RACGAP1: variants seen among roughly 807,000 people sequenced by gnomAD.
The protein encoded by RACGAP1 is rac GTPase-activating protein 1.
Under a neutral mutation model 78.1 loss-of-function variants are expected in RACGAP1, and 30 were observed. That is an observed-to-expected ratio of 0.38 (90% CI 0.29 to 0.52). RACGAP1 has a LOEUF of 0.52. Among genes scored for constraint, RACGAP1 ranks in the 20% least tolerant of loss-of-function variants. RACGAP1 has a pLI of 0.82. For synonymous variants in RACGAP1, 231 were observed against 264.8 expected, an observed-to-expected ratio of 0.87 and a Z score of 1.24; for missense variants, 587 against 777.1, an observed-to-expected ratio of 0.76 and a Z score of 2.91.
At chr12:50,006,847 G>A (rs1949006447) in intron 2 of RACGAP1, among the ~76,000 whole-genome samples, 1 of 152,110 alleles carries the variant, frequency 6.6e-6, no homozygotes, top group South Asian at 2.1e-4. Context: ...TATTCAATAG[G>A]CCACTTACTT....
At position 49,994,126 on chromosome 12, in the gene RACGAP1, C is replaced by T; in HGVS notation, c.1339+5G>A. The T allele has an allele frequency of 6.2e-7, 1 of 1,608,334 alleles. No individual in the cohort carries two copies. The highest frequency in any genetic ancestry group is 1.1e-5 in the South Asian group (1 of 90,868). On this transcript the variant is annotated splice_donor_5th_base_variant and intron_variant, in intron 12 of 16. Coordinates refer to ENST00000312377, the MANE Select transcript of RACGAP1 (RefSeq NM_001319999.2). ...TTCATATTCAAGTATTACATCTGCC[C>T]TTACCTGCTGCTTCCATAAAGGCTC...
chr12:50,007,132 G>A (rs1949021666), intron 2 of RACGAP1, among the ~76,000 whole-genome samples: 1 of 151,912 alleles, frequency 6.6e-6, no homozygotes, highest in East Asian at 1.9e-4. Flanking sequence ...CAGATGTCTA[G>A]ACCTACAATT....
At chr12:49,990,553 C>T in intron 16 of RACGAP1, 131 bp downstream of exon 16, 1 of 813,558 alleles carries the variant, frequency 1.2e-6, no homozygotes, top group Admixed American at 2.7e-5. Flanking sequence ...TCCTTATAGC[C>T]CCACGTTCCC....
intron 2 of RACGAP1, among the ~76,000 whole-genome samples, chr12:50,008,524 C>T (rs1949114915): frequency 1.3e-5 from 2 of 151,490 alleles, no homozygotes; most frequent in South Asian, 4.2e-4. Context: ...AGACAGTCTT[C>T]CTCTGTCACC....
At chr12:50,017,521 C>T (rs1047313872) in intron 1 of RACGAP1, among the ~76,000 whole-genome samples, 28 of 152,290 alleles carry the variant, frequency 1.8e-4, no homozygotes, top group Non-Finnish European at 1.8e-4. Context: ...TCGTTACAGG[C>T]GGTTCTATTC....
At chr12:50,011,331 CAAAAA>C (rs34796842) in intron 2 of RACGAP1, among the ~76,000 whole-genome samples, 3 of 71,486 alleles carry the variant, frequency 4.2e-5, no homozygotes, top group African/African-American at 8.9e-5. Flanking sequence ...GAGACTGTCT[CAAAAA>C]AAAAAAAAAA....
rs1397637849 is a variant in RACGAP1, at chr12:50,016,717, T to C, written c.-2A>G. The C allele has an allele frequency of 6.2e-7, 1 of 1,613,488 alleles. No individual in the cohort carries two copies. The highest frequency in any genetic ancestry group is 8.5e-7 in the Non-Finnish European group (1 of 1,179,926). On this transcript the variant is annotated splice_region_variant and 5_prime_UTR_variant, in exon 2 of 17. Transcript: ENST00000312377. The stretch of plus-strand genomic sequence containing the variant: ...CACATTCAGCATCATAGTATCCATC[T>C]TTCTGCCAAGAAATCAAATATACAT...
Position 50,006,421 on chromosome 12 carries a change from AAAC to A in RACGAP1, c.288+10_288+12del. 1.2e-6 allele frequency: 2 copies of A among 1,613,924 alleles called. No homozygotes were observed. Among genetic ancestry groups the A allele is most frequent in the Non-Finnish European group, 1.7e-6 (2 of 1,179,828 alleles). On this transcript the variant is annotated intron_variant, in intron 3 of 16. Coordinates refer to ENST00000312377, the MANE Select transcript of RACGAP1 (RefSeq NM_001319999.2). Reference sequence around the variant, plus strand: ...TGCATCATCACTGTTCTAGCACGGAAAACAATACACACCAGCTTTTCGCAGTCA... The same window carrying A: ...TGCATCATCACTGTTCTAGCACGGAAAATACACACCAGCTTTTCGCAGTCA...
chr12:50,016,534 G>C (rs1949690914), intron 2 of RACGAP1, 97 bp downstream of exon 2: 2 of 1,330,762 alleles, frequency 1.5e-6, no homozygotes, highest in African/African-American at 1.4e-5. Context: ...AACCCAAATG[G>C]AAAACAACTT....
intron 7 of RACGAP1, among the ~76,000 whole-genome samples, chr12:50,000,450 T>C (rs1948605622): frequency 6.6e-6 from 1 of 151,938 alleles, no homozygotes; most frequent in African/African-American, 2.4e-5. Context: ...CCACCACGCC[T>C]GACCTGAAAC....
rs757715762 is a variant in RACGAP1, at chr12:49,999,668, A to G, written c.696T>C (p.Ala232=). 11 of 1,614,114 alleles carry G rather than the reference A, an allele frequency of 6.8e-6. No individual in the cohort carries two copies. The highest frequency in any genetic ancestry group is 6.7e-5 in the East Asian group (3 of 44,904). The change falls in exon 8 of 17, where the codon GCT becomes GCC. Residue 232 remains alanine, a synonymous_variant. Transcript: ENST00000312377. The part of the protein sequence containing the change: ...TVPNDGGPIE[A]VSTIETVPYW... ...ATGGCACAGTCTCAATAGTGGACAC[A>G]GCTTCGATGGGCCCGCCATCATTGG...
At chr12:50,028,598 G>A (rs61926111), upstream of RACGAP1, among the ~76,000 whole-genome samples, 2,318 of 151,960 alleles carry the variant, frequency 0.015, 37 homozygotes, top group Non-Finnish European at 0.027. Flanking sequence ...GTGAAAACCC[G>A]TCTCTACTAA....
intron 2 of RACGAP1, among the ~76,000 whole-genome samples, chr12:50,007,905 G>GT (rs534812284): frequency 0.052 from 7,430 of 141,540 alleles, 582 homozygotes; most frequent in African/African-American, 0.17. Context: ...TTTTTTGTGG[G>GT]TTTTTTTTTT....
Position 50,006,496 on chromosome 12 carries a change from G to A in RACGAP1, c.226C>T (p.Arg76Cys), listed in dbSNP as rs1365577821. The A allele has an allele frequency of 6.2e-7, 1 of 1,613,964 alleles. No homozygotes were observed. ...TTGATCTCTACATCCACCTGATTAC[G>A]TGCATGCTTCAGCTTAACATCCAGA... ...SALDVKLKHA[R>C]NQVDVEIKRR... The change falls in exon 3 of 17, where the codon CGT becomes TGT. Residue 76 changes from arginine (R) to cysteine (C), a missense_variant. Transcript: ENST00000312377.
In RACGAP1 at chr12:49,990,082, T is replaced by G; in HGVS notation, c.*186A>C. On this transcript the variant is annotated 3_prime_UTR_variant, in exon 17 of 17. Transcript: ENST00000312377. ...TGACCAGCACAAAGTGCTGATATTA[T>G]GTGACTTGAGGAGAAGGAAGGGGAG... The G allele has an allele frequency of 2.1e-6, 1 of 484,520 alleles. No homozygotes were observed. Among genetic ancestry groups the G allele is most frequent in the Non-Finnish European group, 3.7e-6 (1 of 271,202 alleles). 30.0% of individuals were successfully genotyped at this position (484,520 alleles called of 1,614,324 possible). A position where few individuals can be genotyped will look rare whatever the true frequency, so the allele number is the denominator to read the frequency against.
chr12:50,031,243 G>A (rs906623861), intron 2 of RACGAP1, among the ~76,000 whole-genome samples: 1 of 151,246 alleles, frequency 6.6e-6, no homozygotes, highest in Admixed American at 6.6e-5. Context: ...TTGGGAGGCT[G>A]AGGCAGGCGG....
intron 5 of RACGAP1, among the ~76,000 whole-genome samples, chr12:50,003,564 GTT>G (rs775960058): frequency 6.6e-6 from 1 of 151,768 alleles, no homozygotes; most frequent in Non-Finnish European, 1.5e-5. Flanking sequence ...TTCCTGATTT[GTT>G]TTGTTTGCTA....
At chr12:50,009,357 G>A (rs1421216623) in intron 2 of RACGAP1, among the ~76,000 whole-genome samples, 2 of 151,970 alleles carry the variant, frequency 1.3e-5, no homozygotes, top group Non-Finnish European at 1.5e-5. Flanking sequence ...AAAGAGAAGG[G>A]AAATTTCCTC....
chr12:50,000,018 A>ATGTTTTTTTTTTTTTTTTTTT (rs1555172403), intron 7 of RACGAP1, among the ~76,000 whole-genome samples: 7 of 99,616 alleles, frequency 7.0e-5, no homozygotes, highest in South Asian at 7.8e-4. Context: ...CACCTGACTG[A>ATGTTTTTTTTTTTTTTTTTTT]TTTTTTTTTT....
Sources: allele counts gnomAD v4.1 joint callset (sites outside exome capture counted in the v4.1 genomes callset), GRCh38; gene constraint gnomAD v4.1.1; transcripts MANE v1.5; gene names NCBI Gene and HGNC (gene_info 2026-07-23, HGNC 2026-07-21).